Variants in UST observed in about 807,000 individuals in gnomAD.
UST encodes uronyl 2-sulfotransferase.
UST carries 21 observed loss-of-function variants against 45.6 expected under a neutral mutation model. That is an observed-to-expected ratio of 0.46 (90% CI 0.33 to 0.66). The LOEUF is 0.66. Ranked by LOEUF, UST falls within the 30% of genes least tolerant of loss-of-function variation. UST has a pLI of 0.02. For missense variants in UST, 463 were observed against 512.4 expected (o/e 0.90, Z 0.93); for synonymous variants, 215 against 200.6 (o/e 1.07, Z -0.61).
intron 7 of UST, among the ~76,000 whole-genome samples, chr6:149,055,858 A>G (rs1776554538): frequency 6.6e-6 from 1 of 152,176 alleles, no homozygotes; most frequent in Non-Finnish European, 1.5e-5. Flanking sequence ...AAGCTTCTGC[A>G]GTTTCTCACA....
intron 7 of UST, among the ~76,000 whole-genome samples, chr6:149,034,852 C>A (rs1776207885): frequency 1.0e-5 from 1 of 96,192 alleles, no homozygotes; most frequent in African/African-American, 6.2e-5. Flanking sequence ...CTCTCTCTCT[C>A]TCTCTCTCTC....
intron 1 of UST, among the ~76,000 whole-genome samples, chr6:148,877,373 G>T (rs1331681065): frequency 1.2e-5 from 1 of 80,148 alleles, no homozygotes; most frequent in African/African-American, 5.2e-5. Context: ...GTGTATGAGT[G>T]GGGGGGTCGT....
At chr6:148,869,786 A>C (rs1582865537) in intron 1 of UST, among the ~76,000 whole-genome samples, 1 of 152,188 alleles carries the variant, frequency 6.6e-6, no homozygotes, top group East Asian at 1.9e-4. Context: ...CTAAAGCATG[A>C]GAAGAATTGG....
chr6:148,791,575 A>G (rs1204454328), intron 1 of UST, among the ~76,000 whole-genome samples: 1 of 152,222 alleles, frequency 6.6e-6, no homozygotes, highest in Non-Finnish European at 1.5e-5. Flanking sequence ...TGTAATCAGT[A>G]CTGCTGGCAA....
chr6:148,878,227 GTCGTGTATGAGTGCGGAGA>G (rs72317889), intron 1 of UST, among the ~76,000 whole-genome samples: 2,635 of 95,566 alleles, frequency 0.028, 105 homozygotes, highest in Non-Finnish European at 0.035. Flanking sequence ...GAGTGCGGGG[GTCGTGTATGAGTGCGGAGA>G]TCGTGTATGA....
At chr6:148,830,175 T>TCAGA (rs1290377698) in intron 1 of UST, among the ~76,000 whole-genome samples, 1 of 152,172 alleles carries the variant, frequency 6.6e-6, no homozygotes, top group African/African-American at 2.4e-5. Context: ...TGCTCAAAGT[T>TCAGA]CAGACATGAG....
chr6:148,850,661 A>G (rs1445572290), intron 1 of UST, among the ~76,000 whole-genome samples: 2 of 152,192 alleles, frequency 1.3e-5, no homozygotes, highest in Non-Finnish European at 2.9e-5. Flanking sequence ...AAGTGTCTCA[A>G]TGGGCAACTG....
chr6:148,756,656 T>C (rs1205434886), intron 1 of UST, among the ~76,000 whole-genome samples: 1 of 152,234 alleles, frequency 6.6e-6, no homozygotes, highest in African/African-American at 2.4e-5. Context: ...TGTAAGTATT[T>C]GTTTATTTCA....
intron 6 of UST, among the ~76,000 whole-genome samples, chr6:149,020,544 A>G (rs1255852015): frequency 6.6e-6 from 1 of 152,220 alleles, no homozygotes; most frequent in Non-Finnish European, 1.5e-5. Context: ...TACACACACA[A>G]TGATTTTTAT....
At chr6:148,926,988 G>A (rs1475702399) in intron 2 of UST, among the ~76,000 whole-genome samples, 1 of 152,066 alleles carries the variant, frequency 6.6e-6, no homozygotes, top group Non-Finnish European at 1.5e-5. Flanking sequence ...CTATGGGGAT[G>A]AAAGAAAGCA....
At chr6:148,817,688 T>C (rs1308802922) in intron 1 of UST, among the ~76,000 whole-genome samples, 13 of 152,172 alleles carry the variant, frequency 8.5e-5, no homozygotes. Context: ...CCAGAGTTCT[T>C]ATTTGCAGAG....
chr6:148,819,951 T>C (rs968469032), intron 1 of UST, among the ~76,000 whole-genome samples: 1 of 152,214 alleles, frequency 6.6e-6, no homozygotes, highest in African/African-American at 2.4e-5. Flanking sequence ...GAGCTGCTAT[T>C]TCTTTCTAGA....
intron 1 of UST, among the ~76,000 whole-genome samples, chr6:148,756,182 G>A (rs929356629): frequency 6.6e-6 from 1 of 152,016 alleles, no homozygotes; most frequent in African/African-American, 2.4e-5. Context: ...CAAAGGACAT[G>A]AGCTCATCCT....
intron 5 of UST, 119 bp downstream of exon 5, chr6:148,964,682 C>T (rs1456512242): frequency 3.0e-6 from 4 of 1,341,104 alleles, no homozygotes; most frequent in Admixed American, 4.8e-5. Context: ...TGGAGCGTGG[C>T]GCAGAGAGGG....
intron 1 of UST, among the ~76,000 whole-genome samples, chr6:148,846,076 A>T (rs1232316985): frequency 6.7e-6 from 1 of 149,842 alleles, no homozygotes; most frequent in East Asian, 2.0e-4. Context: ...ATACCATTTG[A>T]CCCAGCCATC....
At chr6:148,771,661 G>T (rs1452194542) in intron 1 of UST, among the ~76,000 whole-genome samples, 1 of 152,184 alleles carries the variant, frequency 6.6e-6, no homozygotes, top group African/African-American at 2.4e-5. Context: ...GAGAAGAGAT[G>T]AAGAAGAAAA....
chr6:148,817,117 A>T (rs182518097), intron 1 of UST, among the ~76,000 whole-genome samples: 125 of 151,946 alleles, frequency 8.2e-4, no homozygotes, highest in Admixed American at 1.8e-3. Flanking sequence ...CACGTGGCCT[A>T]CTCTTTCAGA....
intron 7 of UST, among the ~76,000 whole-genome samples, chr6:149,059,367 C>G (rs1267904535): frequency 6.6e-6 from 1 of 152,202 alleles, no homozygotes; most frequent in African/African-American, 2.4e-5. Flanking sequence ...TAAGTTTGTC[C>G]GGCAGGGTGT....
chr6:149,005,443 A>G, intron 5 of UST: 1 of 985,354 alleles, frequency 1.0e-6, no homozygotes, highest in Non-Finnish European at 1.2e-6. Context: ...AGGGCATGCA[A>G]CCTCAGCAGT....
Sources: allele counts gnomAD v4.1 joint callset (sites outside exome capture counted in the v4.1 genomes callset), GRCh38; gene constraint gnomAD v4.1.1; transcripts MANE v1.5; gene names NCBI Gene and HGNC (gene_info 2026-07-23, HGNC 2026-07-21).